The following THADA variants were observed in gnomAD, a reference collection of about 807,000 sequenced individuals.
THADA encodes tRNA (32-2'-O)-methyltransferase regulator THADA.
In THADA, 213 loss-of-function variants were observed where a neutral mutation model predicts 219.8. The observed-to-expected ratio is 0.97, with a 90% CI of 0.87 to 1.09. THADA has a LOEUF of 1.09. Among genes scored for constraint, THADA ranks in the 50% least tolerant of loss-of-function variants. THADA has a pLI of 0.00. For synonymous variants in THADA, 1,018 were observed against 828.9 expected (o/e 1.23, Z -3.92); for missense variants, 2,956 against 2,311.3 (o/e 1.28, Z -5.72).
intron 29 of THADA, among the ~76,000 whole-genome samples, chr2:43,350,859 T>C (rs1226323622): frequency 6.6e-6 from 1 of 152,182 alleles, no homozygotes; most frequent in East Asian, 1.9e-4. Flanking sequence ...ACATGACACC[T>C]TACTGTGTTG....
chr2:43,358,576 T>A (rs1669136289), intron 29 of THADA, among the ~76,000 whole-genome samples: 1 of 152,242 alleles, frequency 6.6e-6, no homozygotes, highest in African/African-American at 2.4e-5. Flanking sequence ...TATATTAATT[T>A]GCATTTTCCA....
At chr2:43,318,070 C>G (rs74551432) in intron 31 of THADA, among the ~76,000 whole-genome samples, 4 of 151,852 alleles carry the variant, frequency 2.6e-5, no homozygotes, top group Admixed American at 2.6e-4. Flanking sequence ...GACAGGGTAT[C>G]GCTCTGTCGC....
chr2:43,514,513 A>G (rs1024278072), intron 22 of THADA, among the ~76,000 whole-genome samples: 4 of 137,042 alleles, frequency 2.9e-5, no homozygotes, highest in Non-Finnish European at 6.1e-5. Context: ...TATTTTATAT[A>G]TAATATATAA....
In THADA at chr2:43,556,453, T is replaced by C. The variant is rs760803193; in HGVS notation, c.2566A>G (p.Ile856Val). 6.2e-7 allele frequency: 1 copy of C among 1,613,832 alleles called. No homozygotes were observed. Among genetic ancestry groups the C allele is most frequent in the South Asian group, 1.1e-5 (1 of 91,074 alleles). Residue 856 changes from isoleucine (I) to valine (V), a missense_variant, in exon 17 of 38, where the codon ATC becomes GTC. Coordinates refer to ENST00000405975, the MANE Select transcript of THADA (RefSeq NM_022065.5). ...GATGACGGTAGAGCATCCTGCCAGATTAAGAAGTTCAGCAGGTAGGAAGCT... is the reference window on the plus strand; with the variant it reads ...GATGACGGTAGAGCATCCTGCCAGACTAAGAAGTTCAGCAGGTAGGAAGCT... ...VTASYLLNFL[I>V]WQDALPSSLS... is the part of the protein sequence containing the mutation.
intron 30 of THADA, among the ~76,000 whole-genome samples, chr2:43,333,909 A>T (rs1666083049): frequency 6.6e-6 from 1 of 152,258 alleles, no homozygotes; most frequent in Non-Finnish European, 1.5e-5. Flanking sequence ...AAATGGAAGC[A>T]GACCTAAAAC....
chr2:43,467,214 G>A (rs1454008995), intron 26 of THADA, among the ~76,000 whole-genome samples: 1 of 150,230 alleles, frequency 6.7e-6, no homozygotes, highest in Non-Finnish European at 1.5e-5. Context: ...AAACACCACG[G>A]GGATGCTGCT....
intron 36 of THADA, among the ~76,000 whole-genome samples, chr2:43,254,347 C>T (rs1173975542): frequency 6.6e-6 from 1 of 151,866 alleles, no homozygotes; most frequent in African/African-American, 2.4e-5. Flanking sequence ...GTCCTTGGGA[C>T]ACTGTTTGAG....
chr2:43,261,643 T>TTC (rs1401532818), intron 36 of THADA, among the ~76,000 whole-genome samples: 8 of 150,960 alleles, frequency 5.3e-5, no homozygotes, highest in Admixed American at 1.3e-4. Context: ...TTGATTTTTT[T>TTC]TTTTTTTTTT....
rs1485727865 is a variant in THADA at position 43,574,947 on chromosome 2, G to GAT, written c.1116_1117dup (p.Ser373TyrfsTer7). On this transcript the variant is annotated frameshift_variant, in exon 11 of 38. Coordinates refer to ENST00000405975, the MANE Select transcript of THADA (RefSeq NM_022065.5). LOFTEE classifies it high-confidence loss of function. ...GCTGTCCGTTAGGCTCGGGGAACTT[G>GAT]ATTCAAGGACTTGTATGGCTGAATT... The GAT allele has an allele frequency of 6.2e-7, 1 of 1,613,866 alleles. No homozygotes were observed. Among genetic ancestry groups the GAT allele is most frequent in the Admixed American group, 1.7e-5 (1 of 60,004 alleles).
chr2:43,342,048 C>CA (rs1286048890), intron 30 of THADA, among the ~76,000 whole-genome samples: 5 of 152,062 alleles, frequency 3.3e-5, no homozygotes, highest in Non-Finnish European at 5.9e-5. Flanking sequence ...CCTTCTCCAC[C>CA]AAAAAACCCC....
chr2:43,312,294 G>A (rs1677606941), intron 31 of THADA, among the ~76,000 whole-genome samples: 1 of 152,068 alleles, frequency 6.6e-6, no homozygotes, highest in African/African-American at 2.4e-5. Flanking sequence ...TGAAAATGTG[G>A]GTAGAAGGTT....
intron 28 of THADA, among the ~76,000 whole-genome samples, chr2:43,419,366 G>C (rs1283866147): frequency 2.0e-5 from 3 of 152,220 alleles, no homozygotes; most frequent in Non-Finnish European, 4.4e-5. Flanking sequence ...GGACGTGAGG[G>C]TGAAGGTATC....
chr2:43,430,153 C>G, intron 27 of THADA, 60 bp downstream of exon 27: 1 of 797,988 alleles, frequency 1.3e-6, no homozygotes, highest in East Asian at 3.1e-5. Context: ...GGGAAAATCT[C>G]AATTACTAAG....
intron 26 of THADA, among the ~76,000 whole-genome samples, chr2:43,440,555 T>C (rs1395003427): frequency 6.6e-6 from 1 of 152,216 alleles, no homozygotes; most frequent in Non-Finnish European, 1.5e-5. Context: ...TGTCCTTTCC[T>C]TGGCTTTTGA....
intron 31 of THADA, among the ~76,000 whole-genome samples, chr2:43,294,412 G>A (rs1675112907): frequency 6.6e-6 from 1 of 152,190 alleles, no homozygotes; most frequent in Admixed American, 6.5e-5. Context: ...CAAAGGCAGG[G>A]GAACCAGCTG....
intron 26 of THADA, among the ~76,000 whole-genome samples, chr2:43,475,404 C>G (rs1003956490): frequency 7.9e-6 from 1 of 126,384 alleles, no homozygotes; most frequent in African/African-American, 3.1e-5. Flanking sequence ...GCCTGGGCGA[C>G]AGAGCTAGGC....
intron 24 of THADA, among the ~76,000 whole-genome samples, chr2:43,503,636 T>C (rs1689297921): frequency 6.6e-6 from 1 of 152,186 alleles, no homozygotes; most frequent in Admixed American, 6.5e-5. Context: ...ATGTTCATTA[T>C]TCACTATACA....
At chr2:43,572,384 T>A (rs1044905656) in intron 12 of THADA, among the ~76,000 whole-genome samples, 3 of 152,184 alleles carry the variant, frequency 2.0e-5, no homozygotes, top group Admixed American at 2.0e-4. Context: ...TGATAAGCAA[T>A]GTTCTTAATC....
intron 28 of THADA, among the ~76,000 whole-genome samples, chr2:43,417,764 G>C (rs1427563818): frequency 1.3e-5 from 2 of 152,178 alleles, no homozygotes; most frequent in African/African-American, 4.8e-5. Flanking sequence ...AACAGCATGG[G>C]TTCTAGAGTC....
Sources: gnomAD v4.1 joint callset for allele counts (sites outside exome capture counted in the v4.1 genomes callset) on GRCh38, gnomAD v4.1.1 for gene constraint, MANE v1.5 for transcripts, NCBI Gene and HGNC (gene_info 2026-07-23, HGNC 2026-07-21) for gene names.